TIAM1: variants seen among roughly 807,000 people sequenced by gnomAD.
The protein encoded by TIAM1 is TIAM Rac1 associated GEF 1, also known as rho guanine nucleotide exchange factor TIAM1.
In TIAM1, 65 loss-of-function variants were observed where a neutral mutation model predicts 163.5. That is an observed-to-expected ratio of 0.40 (90% CI 0.33 to 0.49). TIAM1 has a LOEUF of 0.49. TIAM1 is among the 20% of genes least tolerant of loss of function. TIAM1 has a pLI of 0.77. For missense variants in TIAM1, 1,789 were observed against 2,044.7 expected, an observed-to-expected ratio of 0.87 and a Z score of 2.41; for synonymous variants, 833 against 810.1, an observed-to-expected ratio of 1.03 and a Z score of -0.48.
At chr21:31,536,431 C>T (rs1355837097) in intron 1 of TIAM1, among the ~76,000 whole-genome samples, 1 of 152,188 alleles carries the variant, frequency 6.6e-6, no homozygotes, top group East Asian at 1.9e-4. Context: ...ATCTGGACCA[C>T]CCCGGATACC....
rs537417112 is a variant in TIAM1 at position 31,265,910 on chromosome 21, A to G, written c.963+100T>C. The G allele has an allele frequency of 6.0e-6, 9 of 1,501,940 alleles. No individual in the cohort carries two copies. In the African/African-American group the frequency reaches 1.3e-4, roughly 21 times the overall value. The allele number at this position is 1,501,940 out of a possible 1,614,324, so 93.0% of individuals were successfully genotyped here. A position where few individuals can be genotyped will look rare whatever the true frequency, so the allele number is the denominator to read the frequency against. ...CAGCAACTACCAGGCAAACAGGGTA[A>G]AACCCGATTAAAAGATGGAAATCTT... is the stretch of plus-strand genomic sequence containing the variant. On this transcript the variant is annotated intron_variant, in intron 4 of 27. Transcript: ENST00000541036.
chr21:31,528,822 A>C (rs1470844373), intron 1 of TIAM1, among the ~76,000 whole-genome samples: 1 of 62,894 alleles, frequency 1.6e-5, no homozygotes, highest in Non-Finnish European at 3.3e-5. Context: ...AAATAAACAA[A>C]CAAATTAAAA....
chr21:31,353,567 A>C (rs915701437), intron 2 of TIAM1, among the ~76,000 whole-genome samples: 4 of 152,156 alleles, frequency 2.6e-5, no homozygotes, highest in African/African-American at 9.7e-5. Flanking sequence ...TCAATTTTCT[A>C]CCTGGTCCTC....
chr21:31,516,509 GAC>G (rs2147483298), intron 1 of TIAM1, among the ~76,000 whole-genome samples: 1 of 152,194 alleles, frequency 6.6e-6, no homozygotes, highest in Admixed American at 6.5e-5. Flanking sequence ...GCTCCATCAG[GAC>G]AGCAGAGTTG....
chr21:31,421,255 G>T (rs143280694), intron 2 of TIAM1, among the ~76,000 whole-genome samples: 34 of 152,152 alleles, frequency 2.2e-4, no homozygotes, highest in Non-Finnish European at 4.3e-4. Context: ...AAGTGAAGAG[G>T]GAGGCAGTGA....
chr21:31,176,508 A>T (rs752829438), intron 15 of TIAM1, among the ~76,000 whole-genome samples: 2 of 152,140 alleles, frequency 1.3e-5, no homozygotes, highest in Non-Finnish European at 2.9e-5. Flanking sequence ...TAGGAAACTG[A>T]GTCTTACAGA....
chr21:31,219,530 G>A lies in TIAM1; in HGVS notation c.1996-1831C>T, dbSNP rs73351584. ...AGTCAGCGTGTTGGTTGGAAGGCAC[G>A]CCCCTCTGGGGCTTCAGTACTGACA... On this transcript the variant is annotated intron_variant, in intron 8 of 27. Transcript: ENST00000541036. Among the ~76,000 whole-genome samples, 706 of 152,294 alleles carry A rather than the reference G, an allele frequency of 4.6e-3. 7 individuals are homozygous for A. Among genetic ancestry groups the A allele is most frequent in the African/African-American group, 0.016 (661 of 41,564 alleles).
At chr21:31,307,276 A>G (rs1417046459) in intron 2 of TIAM1, among the ~76,000 whole-genome samples, 3 of 152,186 alleles carry the variant, frequency 2.0e-5, no homozygotes, top group Non-Finnish European at 4.4e-5. Context: ...TGTCCTCACC[A>G]GAGTATCCAC....
intron 2 of TIAM1, among the ~76,000 whole-genome samples, chr21:31,308,265 A>C (rs561349796): frequency 7.2e-5 from 11 of 152,210 alleles, no homozygotes; most frequent in African/African-American, 2.6e-4. Flanking sequence ...CAAAAAACTA[A>C]AAGCTGCACA....
At chr21:31,188,735 G>T (rs2146466988) in intron 13 of TIAM1, among the ~76,000 whole-genome samples, 1 of 152,114 alleles carries the variant, frequency 6.6e-6, no homozygotes, top group East Asian at 1.9e-4. Flanking sequence ...TACCATGCTT[G>T]ACTGATTTTT....
At chr21:31,299,727 C>T (rs1287122772) in intron 2 of TIAM1, among the ~76,000 whole-genome samples, 9 of 152,080 alleles carry the variant, frequency 5.9e-5, no homozygotes, top group South Asian at 4.2e-4. Context: ...ACAGAATCGG[C>T]GGGGATTTTG....
chr21:31,132,150 A>C (rs1259779702), intron 23 of TIAM1, among the ~76,000 whole-genome samples: 1 of 152,210 alleles, frequency 6.6e-6, no homozygotes, highest in African/African-American at 2.4e-5. Flanking sequence ...GAGAATTCTC[A>C]GGGATGGGCC....
chr21:31,194,682 G>C (rs1258375192), intron 13 of TIAM1, among the ~76,000 whole-genome samples: 1 of 152,098 alleles, frequency 6.6e-6, no homozygotes, highest in Non-Finnish European at 1.5e-5. Flanking sequence ...AGTTTTTCCT[G>C]AAAACATGAG....
intron 16 of TIAM1, among the ~76,000 whole-genome samples, chr21:31,164,246 A>C (rs1012328244): frequency 3.3e-5 from 5 of 152,070 alleles, no homozygotes; most frequent in East Asian, 1.9e-4. Context: ...AAAAATTAGC[A>C]GGGCGTGGTG....
intron 25 of TIAM1, among the ~76,000 whole-genome samples, chr21:31,128,280 T>A (rs1568874569): frequency 6.6e-6 from 1 of 152,046 alleles, no homozygotes; most frequent in Non-Finnish European, 1.5e-5. Flanking sequence ...TCCACTAGAG[T>A]GGATTTCATA....
At position 31,182,699 on chromosome 21, in the gene TIAM1, C is replaced by A. The variant is rs2085091864; in HGVS notation, c.2663-54G>T. On this transcript the variant is annotated intron_variant, in intron 14 of 27. Transcript: ENST00000541036. ...TTTCACACACATTATCAGAACACAACAGCTTAGGAGCTCTGCTATAAAGGG... is the reference window on the plus strand; with the variant it reads ...TTTCACACACATTATCAGAACACAAAAGCTTAGGAGCTCTGCTATAAAGGG... The A allele has an allele frequency of 2.6e-6, 4 of 1,550,852 alleles. No homozygotes were observed. In the Admixed American group the frequency reaches 7.2e-5, roughly 28 times the overall value.
chr21:31,331,049 A>G (rs1349527973), intron 2 of TIAM1, among the ~76,000 whole-genome samples: 1 of 152,284 alleles, frequency 6.6e-6, no homozygotes, highest in African/African-American at 2.4e-5. Context: ...TGTTTTCCCA[A>G]CTGGTACTAC....
chr21:31,521,745 A>AACACACAC (rs35006738), intron 1 of TIAM1, among the ~76,000 whole-genome samples: 19,863 of 146,834 alleles, frequency 0.14, 1,412 homozygotes, highest in South Asian at 0.16. Context: ...CTCACACACA[A>AACACACAC]ACACACACAC....
At chr21:31,439,886 T>C (rs1303127057) in intron 2 of TIAM1, among the ~76,000 whole-genome samples, 1 of 152,146 alleles carries the variant, frequency 6.6e-6, no homozygotes, top group Non-Finnish European at 1.5e-5. Flanking sequence ...GAACCACTGG[T>C]TGTCTAAGAA....
Sources: gnomAD v4.1 joint callset for allele counts (sites outside exome capture counted in the v4.1 genomes callset) on GRCh38, gnomAD v4.1.1 for gene constraint, MANE v1.5 for transcripts, NCBI Gene and HGNC (gene_info 2026-07-23, HGNC 2026-07-21) for gene names.